NPIPB9: variants seen among roughly 807,000 people sequenced by gnomAD.
NPIPB9 encodes the protein nuclear pore complex interacting protein family member B9.
NPIPB9 carries 1 observed loss-of-function variant against 5.6 expected under a neutral mutation model. The ratio of observed to expected loss-of-function variants is 0.18; its 90% CI spans 0.06 to 0.84. The LOEUF (loss-of-function observed/expected upper bound fraction) is 0.84. Among genes scored for constraint, NPIPB9 ranks in the 40% least tolerant of loss-of-function variants. The probability of loss-of-function intolerance (pLI) is 0.70; values close to 1 mark genes in which losing one functional copy is unlikely to be tolerated. For synonymous variants in NPIPB9, 2 were observed against 12.5 expected (o/e 0.16, Z 1.77); for missense variants, 3 against 39.1 (o/e 0.08, Z 2.46).
At chr16:28,753,501 TATAG>T (rs2048700665) in intron 1 of NPIPB9, among the ~76,000 whole-genome samples, 1 of 67,878 alleles carries the variant, frequency 1.5e-5, no homozygotes, top group African/African-American at 6.2e-5. Flanking sequence ...TTGAGATTTA[TATAG>T]ATACACACAC....
At chr16:28,765,444 T>A (rs1683825480) in intron 3 of NPIPB9, among the ~76,000 whole-genome samples, 1 of 45,914 alleles carries the variant, frequency 2.2e-5, no homozygotes, top group Admixed American at 2.0e-4. Flanking sequence ...GAGTTTCAAT[T>A]TTGTTGCCCA....
chr16:28,756,183 G>A (rs1424140418), intron 1 of NPIPB9, among the ~76,000 whole-genome samples: 1 of 94,410 alleles, frequency 1.1e-5, no homozygotes, highest in Admixed American at 1.3e-4. Flanking sequence ...CAACACAACC[G>A]AAATCTAGGG....
chr16:28,754,716 T>C, intron 1 of NPIPB9, among the ~76,000 whole-genome samples: 1 of 128,408 alleles, frequency 7.8e-6, no homozygotes, highest in Non-Finnish European at 1.7e-5. Flanking sequence ...TGGGAGACTG[T>C]GGAGGGGCAG....
chr16:28,753,531 TACACACACACACACACACACAC>T (rs1158927991), intron 1 of NPIPB9, among the ~76,000 whole-genome samples: 2 of 42,040 alleles, frequency 4.8e-5, no homozygotes, highest in African/African-American at 1.6e-4. Context: ...CACACATACA[TACACACACACACACACACACAC>T]ACACACACAC....
intron 3 of NPIPB9, among the ~76,000 whole-genome samples, chr16:28,765,721 TTGTGTGTGTGTGTGTGTG>T (rs761146509): frequency 1.8e-4 from 7 of 38,040 alleles, no homozygotes; most frequent in South Asian, 2.3e-3. Flanking sequence ...CATGTCATTC[TTGTGTGTGTGTGTGTGTG>T]TGTGTGTGTG....
At chr16:28,752,899 G>A (rs2048675596) in intron 1 of NPIPB9, among the ~76,000 whole-genome samples, 1 of 118,014 alleles carries the variant, frequency 8.5e-6, no homozygotes, top group African/African-American at 2.9e-5. Flanking sequence ...CCAAGTTTAG[G>A]CTGGGCATGG....
intron 1 of NPIPB9, among the ~76,000 whole-genome samples, chr16:28,756,282 G>A (rs1188855665): frequency 7.8e-6 from 1 of 127,686 alleles, no homozygotes; most frequent in Non-Finnish European, 1.7e-5. Context: ...TCGGCTCACT[G>A]CAACCTCCGC....
At chr16:28,756,223 A>G (rs940596976) in intron 1 of NPIPB9, among the ~76,000 whole-genome samples, 1 of 124,274 alleles carries the variant, frequency 8.0e-6, no homozygotes, top group African/African-American at 2.7e-5. Context: ...TTTTTGAGAC[A>G]GAGTCTCATT....
intron 1 of NPIPB9, among the ~76,000 whole-genome samples, chr16:28,756,254 G>C (rs2151813969): frequency 7.5e-6 from 1 of 132,800 alleles, no homozygotes; most frequent in South Asian, 2.5e-4. Context: ...ACCCAGGCTG[G>C]AGTGCAATGG....
intron 2 of NPIPB9, among the ~76,000 whole-genome samples, chr16:28,761,881 C>CAA (rs71292756): frequency 5.6e-4 from 5 of 8,898 alleles, no homozygotes; most frequent in African/African-American, 5.4e-3. Flanking sequence ...ACTCTGTCTC[C>CAA]AAAAAAAAAA....
chr16:28,767,194 ATT>A (rs1179314816), intron 5 of NPIPB9, among the ~76,000 whole-genome samples: 3 of 44,208 alleles, frequency 6.8e-5, no homozygotes, highest in African/African-American at 1.1e-4. Flanking sequence ...CATTCGGCCA[ATT>A]TTTTTTTTTT....
At chr16:28,758,628 C>T in intron 2 of NPIPB9, 1 of 399,004 alleles carries the variant, frequency 2.5e-6, no homozygotes, top group African/African-American at 4.4e-5. Flanking sequence ...GGTCCCCGTC[C>T]CCTTCCCTCC....
At position 28,758,538 on chromosome 16, in the gene NPIPB9, CT is replaced by C; in HGVS notation, c.111+457del. 3 of 17,168 alleles carry C rather than the reference CT, an allele frequency of 1.7e-4. No homozygotes were observed. In the East Asian group the frequency reaches 5.1e-3, roughly 29 times the overall value. The allele number at this position is 17,168 out of a possible 1,614,324, so 1.1% of individuals were successfully genotyped here. ...CTTCCCCCCTTCCCCTCCCCTTCCC[CT>C]TCCCCTCCCCCTCCCCTTCCCCTCC... is the stretch of plus-strand genomic sequence containing the variant. On this transcript the variant is annotated intron_variant, in intron 2 of 7. Transcript: ENST00000550983.
At chr16:28,756,324 C>T (rs2048818391) in intron 1 of NPIPB9, among the ~76,000 whole-genome samples, 2 of 129,880 alleles carry the variant, frequency 1.5e-5, no homozygotes, top group South Asian at 2.5e-4. Context: ...CCTGCCTCAG[C>T]CTCCTGAGTA....
intron 2 of NPIPB9, chr16:28,758,536 C>T (rs2048929170): frequency 6.0e-5 from 1 of 16,692 alleles, no homozygotes; most frequent in South Asian, 3.2e-3. Context: ...CCTCCCCTTC[C>T]CCTTCCCCTC....
At chr16:28,752,359 C>T (rs1462318185) in exon 1 of NPIPB9, 1 of 763,282 alleles carries the variant, frequency 1.3e-6, no homozygotes, top group East Asian at 2.9e-5. Flanking sequence ...TTTTCTGAAG[C>T]CCTTGACCAC....
intron 1 of NPIPB9, among the ~76,000 whole-genome samples, chr16:28,756,449 T>C (rs1387387265): frequency 1.8e-5 from 2 of 113,206 alleles, no homozygotes; most frequent in Non-Finnish European, 4.1e-5. Context: ...GTGATCCGCC[T>C]GCCTCAGCCT....
Position 28,767,062 on chromosome 16 carries a change from G to A in NPIPB9, c.590+573G>A, listed in dbSNP as rs1400757858. ...TTTTTTAATTTTGAGATAGAATCTC[G>A]CTCTGTCGCCCAGGCTGGAGTGGTA... On this transcript the variant is annotated intron_variant, in intron 5 of 7. Transcript: ENST00000550983. Among the ~76,000 whole-genome samples the A allele has an allele frequency of 9.3e-4, 48 of 51,466 alleles. 15 individuals are homozygous for A. The highest frequency in any genetic ancestry group is 1.1e-3 in the Non-Finnish European group (30 of 27,212). 33.8% of individuals were successfully genotyped at this position (51,466 alleles called of 152,430 possible).
intron 5 of NPIPB9, chr16:28,769,611 G>A (rs536032131): frequency 1.7e-6 from 1 of 584,244 alleles, no homozygotes; most frequent in African/African-American, 2.1e-5. Flanking sequence ...AACGCCCATT[G>A]GAGTGCTGTT....
Sources: allele counts gnomAD v4.1 joint callset (sites outside exome capture counted in the v4.1 genomes callset), GRCh38; gene constraint gnomAD v4.1.1; transcripts MANE v1.5; gene names NCBI Gene and HGNC (gene_info 2026-07-23, HGNC 2026-07-21).